SLC35F4: variants seen among roughly 807,000 people sequenced by gnomAD.
The protein encoded by SLC35F4 is chromosome 14 open reading frame 36.
Under a neutral mutation model 44.2 loss-of-function variants are expected in SLC35F4, and 24 were observed. The observed-to-expected ratio is 0.54, with a 90% CI of 0.39 to 0.76. The LOEUF (loss-of-function observed/expected upper bound fraction) is 0.76, where lower values mean the gene tolerates loss of function less well. SLC35F4 is among the 30% of genes least tolerant of loss of function. The pLI is 0.00. For synonymous variants in SLC35F4, 238 were observed against 223.6 expected (o/e 1.06, Z -0.57); for missense variants, 562 against 586.1 (o/e 0.96, Z 0.42).
At chr14:57,841,786 C>T (rs553826245) in intron 1 of SLC35F4, among the ~76,000 whole-genome samples, 3 of 152,146 alleles carry the variant, frequency 2.0e-5, no homozygotes, top group Admixed American at 6.5e-5. Context: ...TGCAAGATAT[C>T]GCTCATGATC....
chr14:57,692,610 A>G (rs563702074), intron 1 of SLC35F4, among the ~76,000 whole-genome samples: 1 of 152,210 alleles, frequency 6.6e-6, no homozygotes, highest in East Asian at 1.9e-4. Context: ...ATGGCACTTA[A>G]ATTTTTAAAT....
chr14:57,569,011 C>G (rs1397802930), intron 6 of SLC35F4, among the ~76,000 whole-genome samples: 2 of 152,120 alleles, frequency 1.3e-5, no homozygotes, highest in Non-Finnish European at 2.9e-5. Flanking sequence ...GCTTAAAAGT[C>G]AGATCCTGGA....
intron 1 of SLC35F4, among the ~76,000 whole-genome samples, chr14:57,611,594 A>C (rs1043294641): frequency 1.3e-5 from 2 of 151,858 alleles, no homozygotes; most frequent in South Asian, 2.1e-4. Flanking sequence ...TTAAAAAAAA[A>C]AAAACAAAAA....
At chr14:57,800,566 C>T (rs766051391) in intron 1 of SLC35F4, among the ~76,000 whole-genome samples, 5 of 152,104 alleles carry the variant, frequency 3.3e-5, no homozygotes, top group Non-Finnish European at 2.9e-5. Context: ...TAACAAACTT[C>T]GCTGAGCTAA....
At chr14:57,870,568 T>G (rs1160489505), upstream of SLC35F4, among the ~76,000 whole-genome samples, 1 of 152,240 alleles carries the variant, frequency 6.6e-6, no homozygotes, top group Admixed American at 6.5e-5. Flanking sequence ...AGTACTATTT[T>G]TATGCAGACA....
At chr14:57,784,762 C>T (rs887532176) in intron 1 of SLC35F4, among the ~76,000 whole-genome samples, 2 of 152,048 alleles carry the variant, frequency 1.3e-5, no homozygotes, top group African/African-American at 4.8e-5. Flanking sequence ...TAAAGTTACA[C>T]CAAGTATACC....
intron 1 of SLC35F4, among the ~76,000 whole-genome samples, chr14:57,649,282 C>T (rs2073680958): frequency 1.3e-5 from 2 of 152,278 alleles, no homozygotes; most frequent in Non-Finnish European, 1.5e-5. Flanking sequence ...TATTATATTG[C>T]AGTTTTGGTG....
intron 1 of SLC35F4, among the ~76,000 whole-genome samples, chr14:57,750,711 T>A (rs2076864665): frequency 6.6e-6 from 1 of 151,868 alleles, no homozygotes; most frequent in African/African-American, 2.4e-5. Context: ...CTTGGCCTGC[T>A]TTTTAATGGA....
chr14:57,763,270 T>C (rs918255991), intron 1 of SLC35F4, among the ~76,000 whole-genome samples: 2 of 152,190 alleles, frequency 1.3e-5, no homozygotes, highest in African/African-American at 2.4e-5. Flanking sequence ...CTTCAAGAGA[T>C]ACCTTGATGT....
chr14:57,592,305 A>G (rs2070239635), intron 2 of SLC35F4, among the ~76,000 whole-genome samples: 1 of 152,236 alleles, frequency 6.6e-6, no homozygotes, highest in Non-Finnish European at 1.5e-5. Context: ...CAGTGATAAT[A>G]GCTATCTCAT....
At chr14:57,751,934 C>G (rs755854780) in intron 1 of SLC35F4, among the ~76,000 whole-genome samples, 5,732 of 146,984 alleles carry the variant, frequency 0.039, 135 homozygotes, top group Middle Eastern at 0.051. Context: ...CTCTCTCTCT[C>G]TCTGTGTGTG....
At position 57,578,068 on chromosome 14, in the gene SLC35F4, TGTG is replaced by T. The variant is rs561709005; in HGVS notation, c.807+3143_807+3145del. On this transcript the variant is annotated intron_variant, in intron 4 of 7. Transcript: ENST00000556826. ...TGAGCATTAGTAATTCTGGCCTACT[TGTG>T]GTCCGGATAAACCCATATTTATGAT... is the stretch of plus-strand genomic sequence containing the variant. Among the ~76,000 whole-genome samples, 504 of 151,910 alleles carry T rather than the reference TGTG, an allele frequency of 3.3e-3. 2 individuals are homozygous for T. Among genetic ancestry groups the T allele is most frequent in the African/African-American group, 0.011 (456 of 41,410 alleles).
chr14:57,850,763 G>C (rs145404581), intron 1 of SLC35F4, among the ~76,000 whole-genome samples: 1 of 152,246 alleles, frequency 6.6e-6, no homozygotes, highest in African/African-American at 2.4e-5. Flanking sequence ...CAATCCAAGG[G>C]TACCTAGGTA....
intron 1 of SLC35F4, among the ~76,000 whole-genome samples, chr14:57,849,895 A>C (rs921671401): frequency 2.0e-5 from 3 of 152,030 alleles, no homozygotes; most frequent in Non-Finnish European, 4.4e-5. Context: ...ACACACACAC[A>C]CCCCTGAGGA....
intron 1 of SLC35F4, among the ~76,000 whole-genome samples, chr14:57,886,414 G>T (rs979140080): frequency 6.6e-6 from 1 of 152,132 alleles, no homozygotes; most frequent in African/African-American, 2.4e-5. Context: ...CAGAAATAAA[G>T]TGGGCAATAT....
chr14:57,630,375 A>C (rs748052350), intron 1 of SLC35F4: 1 of 629,622 alleles, frequency 1.6e-6, no homozygotes, highest in African/African-American at 1.8e-5. Context: ...AGCAGAAGCC[A>C]TTCCAAATAT....
chr14:57,642,633 C>T (rs1049791024), intron 1 of SLC35F4, among the ~76,000 whole-genome samples: 34 of 151,446 alleles, frequency 2.2e-4, no homozygotes, highest in African/African-American at 6.8e-4. Context: ...TATTTTTTTC[C>T]AAGAAGTAGA....
intron 1 of SLC35F4, among the ~76,000 whole-genome samples, chr14:57,912,970 G>A (rs1441852714): frequency 2.0e-5 from 3 of 152,024 alleles, no homozygotes; most frequent in Non-Finnish European, 4.4e-5. Flanking sequence ...ACACAATAAG[G>A]ATTGTTATGT....
intron 1 of SLC35F4, among the ~76,000 whole-genome samples, chr14:57,921,703 T>C (rs1889446768): frequency 6.6e-6 from 1 of 152,212 alleles, no homozygotes. Context: ...TCCCTTCATG[T>C]GGGTCTGTAT....
Sources: allele counts gnomAD v4.1 joint callset (sites outside exome capture counted in the v4.1 genomes callset), GRCh38; gene constraint gnomAD v4.1.1; transcripts MANE v1.5; gene names NCBI Gene and HGNC (gene_info 2026-07-23, HGNC 2026-07-21).